The following RAB2B variants were observed in gnomAD, a reference collection of about 807,000 sequenced individuals.
The protein encoded by RAB2B is ras-related protein Rab-2B.
RAB2B carries 20 observed loss-of-function variants against 29.8 expected under a neutral mutation model. That is an observed-to-expected ratio of 0.67 (90% CI 0.47 to 0.97). The LOEUF is 0.97. RAB2B is among the 50% of genes least tolerant of loss of function. The pLI is 0.00. For synonymous variants in RAB2B, 93 were observed against 91.7 expected, an observed-to-expected ratio of 1.01 and a Z score of -0.08; for missense variants, 218 against 272.0, an observed-to-expected ratio of 0.80 and a Z score of 1.40.
intron 6 of RAB2B, 128 bp downstream of exon 6, chr14:21,463,528 T>G: frequency 1.6e-5 from 11 of 690,234 alleles, no homozygotes; most frequent in Non-Finnish European, 2.5e-5. Context: ...ATTACAGGCA[T>G]GAGCCACCGC....
In RAB2B at chr14:21,476,884, C is replaced by T. The variant is rs1218623752; in HGVS notation, c.-12G>A. 1.2e-6 allele frequency: 2 copies of T among 1,613,310 alleles called. No homozygotes were observed. The highest frequency in any genetic ancestry group is 1.7e-4 in the Middle Eastern group (1 of 5,748). ...TAAGCATAAGTCATGGTGTCGCGTC[C>T]TCTGGGTTCCGGGTCCGCCCGACTT... On this transcript the variant is annotated 5_prime_UTR_variant, in exon 1 of 8. Transcript: ENST00000397762.
intron 3 of RAB2B, 176 bp downstream of exon 3, chr14:21,474,691 G>C: frequency 1.7e-6 from 1 of 582,390 alleles, no homozygotes; most frequent in Middle Eastern, 2.6e-4. Context: ...ACAACACAAA[G>C]ATACAGCATC....
intron 5 of RAB2B, among the ~76,000 whole-genome samples, chr14:21,466,297 C>A (rs1183173102): frequency 6.6e-6 from 1 of 152,078 alleles, no homozygotes; most frequent in Non-Finnish European, 1.5e-5. Context: ...CCAGCCTGAT[C>A]AACATGGAGA....
chr14:21,471,631 A>G (rs1206723045), intron 3 of RAB2B, among the ~76,000 whole-genome samples: 3 of 149,506 alleles, frequency 2.0e-5, no homozygotes, highest in African/African-American at 7.3e-5. Context: ...AAAAAAAAAA[A>G]GAAAAGAAAA....
intron 3 of RAB2B, among the ~76,000 whole-genome samples, chr14:21,471,819 G>T (rs1296302613): frequency 6.6e-6 from 1 of 151,798 alleles, no homozygotes; most frequent in East Asian, 1.9e-4. Flanking sequence ...GGCATTACAG[G>T]CGCCCGCCAC....
chr14:21,476,397 T>C (rs1001090633), intron 2 of RAB2B, 131 bp downstream of exon 2: 1 of 877,612 alleles, frequency 1.1e-6, no homozygotes, highest in African/African-American at 1.7e-5. Flanking sequence ...TTCATTAACA[T>C]AAGTTTGGAC....
intron 6 of RAB2B, 98 bp downstream of exon 6, chr14:21,463,554 CCTTT>C: frequency 1.1e-6 from 1 of 913,360 alleles, no homozygotes; most frequent in Non-Finnish European, 1.7e-6. Context: ...GCCAAGACAT[CCTTT>C]CTTTACCAAT....
In RAB2B at chr14:21,468,790, A is replaced by G. The variant is rs138156058; in HGVS notation, c.187-38T>C. The G allele has an allele frequency of 7.5e-4, 1,058 of 1,414,642 alleles. 8 individuals carry two copies. The African/African-American group carries it at 0.014, about 18-fold the overall frequency. 87.6% of individuals were successfully genotyped at this position (1,414,642 alleles called of 1,614,324 possible). A position where few individuals can be genotyped will look rare whatever the true frequency, so the allele number is the denominator to read the frequency against. Reference sequence around the variant, plus strand: ...CATGGCAACAAAAAATCCCAACAAAACCAGGTTATTTCCACAGAACCGACT... The same window carrying G: ...CATGGCAACAAAAAATCCCAACAAAGCCAGGTTATTTCCACAGAACCGACT... On this transcript the variant is annotated intron_variant, in intron 3 of 7. Transcript: ENST00000397762.
intron 1 of RAB2B, 58 bp downstream of exon 1, chr14:21,476,769 C>T (rs754256520): frequency 1.9e-6 from 3 of 1,606,440 alleles, no homozygotes; most frequent in Non-Finnish European, 2.6e-6. Context: ...CCCCGCCACC[C>T]AATTTGGGAG....
chr14:21,462,202 TAA>T (rs60977608), intron 7 of RAB2B, 146 bp downstream of exon 7: 21,310 of 394,072 alleles, frequency 0.054, 11 homozygotes, highest in South Asian at 0.058. Flanking sequence ...TACCTAGATT[TAA>T]AAAAAAAAAA....
chr14:21,467,159 G>A (rs756778025), intron 5 of RAB2B, among the ~76,000 whole-genome samples: 1 of 151,188 alleles, frequency 6.6e-6, no homozygotes, highest in Non-Finnish European at 1.5e-5. Flanking sequence ...TACCCACCTC[G>A]GCCTCCCAAA....
At chr14:21,463,796 T>TA (rs777268235) in intron 5 of RAB2B, 29 bp from the exon 6 acceptor site, 70 of 1,380,584 alleles carry the variant, frequency 5.1e-5, no homozygotes, top group South Asian at 3.4e-4. Context: ...GGAGAAAATT[T>TA]AAAAAAAAGA....
intron 1 of RAB2B, 91 bp from the exon 2 acceptor site, chr14:21,476,690 G>T (rs1459690081): frequency 5.0e-6 from 8 of 1,603,220 alleles, no homozygotes; most frequent in Non-Finnish European, 6.8e-6. Flanking sequence ...GGGCTCCCGA[G>T]CCCCGCCCCC....
chr14:21,460,048 A>C lies in RAB2B; in HGVS notation c.*1148T>G, dbSNP rs1320998248. The C allele has an allele frequency of 9.2e-6, 4 of 436,248 alleles. No individual in the cohort carries two copies. The highest frequency in any genetic ancestry group is 5.1e-5 in the South Asian group (3 of 58,606). 27.0% of individuals were successfully genotyped at this position (436,248 alleles called of 1,614,324 possible). A position where few individuals can be genotyped will look rare whatever the true frequency, so the allele number is the denominator to read the frequency against. On this transcript the variant is annotated 3_prime_UTR_variant, in exon 8 of 8. Transcript: ENST00000397762. ...TTTTGAAGTTACACTAAGAGATAGAAGCTAATAATAGGATAGTAGAGAAGT... is the reference window on the plus strand; with the variant it reads ...TTTTGAAGTTACACTAAGAGATAGACGCTAATAATAGGATAGTAGAGAAGT...
intron 2 of RAB2B, 173 bp downstream of exon 2, chr14:21,476,355 T>C (rs1324793250): frequency 3.1e-6 from 2 of 655,496 alleles, no homozygotes; most frequent in African/African-American, 3.6e-5. Flanking sequence ...TCCCTTACAC[T>C]ACTCCCCACA....
At chr14:21,463,397 C>A (rs1890612604) in intron 6 of RAB2B, among the ~76,000 whole-genome samples, 1 of 151,962 alleles carries the variant, frequency 6.6e-6, no homozygotes, top group South Asian at 2.1e-4. Flanking sequence ...CAGACACACG[C>A]CGCCATGACC....
At chr14:21,469,778 C>T (rs897282062) in intron 3 of RAB2B, among the ~76,000 whole-genome samples, 5 of 151,942 alleles carry the variant, frequency 3.3e-5, no homozygotes, top group Non-Finnish European at 7.4e-5. Flanking sequence ...AAATAAATGG[C>T]TTTCTCATAG....
chr14:21,472,424 T>C (rs1202955424), intron 3 of RAB2B, among the ~76,000 whole-genome samples: 1 of 152,124 alleles, frequency 6.6e-6, no homozygotes, highest in Non-Finnish European at 1.5e-5. Context: ...AGTGAGAGAA[T>C]GGGTCAATAA....
chr14:21,469,540 C>T (rs1414208008), intron 3 of RAB2B, among the ~76,000 whole-genome samples: 1 of 152,166 alleles, frequency 6.6e-6, no homozygotes, highest in East Asian at 1.9e-4. Flanking sequence ...TATTAATGCC[C>T]CCATAATACT....
Sources: gnomAD v4.1 joint callset for allele counts (sites outside exome capture counted in the v4.1 genomes callset) on GRCh38, gnomAD v4.1.1 for gene constraint, MANE v1.5 for transcripts, NCBI Gene and HGNC (gene_info 2026-07-23, HGNC 2026-07-21) for gene names.